AGPAT4: variants seen among roughly 807,000 people sequenced by gnomAD.
The protein encoded by AGPAT4 is 1-acylglycerol-3-phosphate O-acyltransferase 4.
A neutral mutation model predicts 48.0 loss-of-function variants in AGPAT4; 15 were observed. That is an observed-to-expected ratio of 0.31 (90% CI 0.21 to 0.48). The LOEUF (loss-of-function observed/expected upper bound fraction) is 0.48. Among genes scored for constraint, AGPAT4 ranks in the 20% least tolerant of loss-of-function variants. AGPAT4 has a pLI of 0.99. For missense variants in AGPAT4, 314 were observed against 482.5 expected (o/e 0.65, Z 3.27); for synonymous variants, 178 against 198.7 (o/e 0.90, Z 0.88).
rs886538041 is a variant in AGPAT4, at chr6:161,255,164, C to T, written c.-90+18774G>A. Among the ~76,000 whole-genome samples, 14 of 152,210 alleles carry T rather than the reference C, an allele frequency of 9.2e-5. No homozygotes were observed. Among genetic ancestry groups the T allele is most frequent in the African/African-American group, 3.4e-4 (14 of 41,460 alleles). On this transcript the variant is annotated intron_variant, in intron 1 of 8. Coordinates refer to ENST00000320285, the MANE Select transcript of AGPAT4 (RefSeq NM_020133.3). The surrounding 1 kb of genome is among the most constrained non-coding windows in gnomAD (Gnocchi z 4.7). The stretch of plus-strand genomic sequence containing the variant: ...TCTTTCCCTGTAATACCTCACACAT[C>T]CAGTTCTCCTTCATTAGCTCTATGA...
In AGPAT4 at chr6:161,219,950, A is replaced by G. The variant is rs11277411; in HGVS notation, c.178+12086T>C. 3.6e-3 allele frequency among the ~76,000 whole-genome samples: 326 copies of G among 91,660 alleles called. No homozygotes were observed. The highest frequency in any genetic ancestry group is 0.016 in the East Asian group (39 of 2,392). The allele number at this position is 91,660 out of a possible 152,430, so 60.1% of individuals were successfully genotyped here. Reference sequence around the variant, plus strand: ...GGCAGGCAGGCAGGCAGGCAGGCAGACAGACAGACAGACAGACAGGCAGGC... The same window carrying G: ...GGCAGGCAGGCAGGCAGGCAGGCAGGCAGACAGACAGACAGACAGGCAGGC... On this transcript the variant is annotated intron_variant, in intron 2 of 8. Transcript: ENST00000320285. The surrounding 1 kb of genome is among the most constrained non-coding windows in gnomAD (Gnocchi z 4.9).
At chr6:161,145,201 G>A (rs1265766452) in intron 7 of AGPAT4, among the ~76,000 whole-genome samples, 2 of 151,592 alleles carry the variant, frequency 1.3e-5, no homozygotes, top group African/African-American at 2.4e-5. Context: ...CTCCATCAAA[G>A]CCATCTGCAT....
chr6:161,256,190 T>G (rs1258728367), intron 1 of AGPAT4, among the ~76,000 whole-genome samples: 1 of 152,114 alleles, frequency 6.6e-6, no homozygotes, highest in Non-Finnish European at 1.5e-5. Context: ...AGACTGGTCC[T>G]TAAGTAGGAC....
At chr6:161,269,853 G>A (rs1167279726) in intron 1 of AGPAT4, among the ~76,000 whole-genome samples, 1 of 152,206 alleles carries the variant, frequency 6.6e-6, no homozygotes, top group Non-Finnish European at 1.5e-5. Flanking sequence ...TATCATGTAT[G>A]TGTGAATGGA....
At position 161,203,317 on chromosome 6, in the gene AGPAT4, C is replaced by T. The variant is rs141923252; in HGVS notation, c.178+28719G>A. ...ATGTAACCCATGCTCAACAAGTGTT[C>T]GTTAAATGAATAATGAATCAATAAA... On this transcript the variant is annotated intron_variant, in intron 2 of 8. Coordinates refer to ENST00000320285, the MANE Select transcript of AGPAT4 (RefSeq NM_020133.3). 6.3e-3 allele frequency among the ~76,000 whole-genome samples: 949 copies of T among 149,840 alleles called. 9 individuals carry two copies. The highest frequency in any genetic ancestry group is 0.022 in the African/African-American group (895 of 40,854).
At position 161,217,809 on chromosome 6, in the gene AGPAT4, G is replaced by A. The variant is rs1317993976; in HGVS notation, c.178+14227C>T. 6.6e-6 allele frequency among the ~76,000 whole-genome samples: 1 copy of A among 152,186 alleles called. No individual in the cohort carries two copies. Among genetic ancestry groups the A allele is most frequent in the Non-Finnish European group, 1.5e-5 (1 of 68,038 alleles). The stretch of plus-strand genomic sequence containing the variant: ...CCTGACCCCGCCTGCCCAGGCCACT[G>A]CCCTGGGACAGGACTCACAGGCAGC... On this transcript the variant is annotated intron_variant, in intron 2 of 8. Coordinates refer to ENST00000320285, the MANE Select transcript of AGPAT4 (RefSeq NM_020133.3). This position sits in a 1 kb window ranked among gnomAD's most constrained non-coding sequence, Gnocchi z 4.9.
At chr6:161,209,960 G>C (rs1269385245) in intron 2 of AGPAT4, among the ~76,000 whole-genome samples, 1 of 151,978 alleles carries the variant, frequency 6.6e-6, no homozygotes, top group Non-Finnish European at 1.5e-5. Context: ...TAAAATAGTT[G>C]CAACAGAGGT....
At chr6:161,181,302 G>A (rs961159580) in intron 2 of AGPAT4, among the ~76,000 whole-genome samples, 6 of 152,050 alleles carry the variant, frequency 3.9e-5, no homozygotes, top group Admixed American at 6.5e-5. Context: ...TGCTCCCATC[G>A]CCTGCAGGTT....
chr6:161,173,785 C>A (rs1305088904), intron 2 of AGPAT4, among the ~76,000 whole-genome samples: 1 of 152,164 alleles, frequency 6.6e-6, no homozygotes, highest in Non-Finnish European at 1.5e-5. Context: ...TTAGGTCTAA[C>A]ATTTAAGTCT....
In AGPAT4 at chr6:161,271,845, C is replaced by T. The variant is rs141400048; in HGVS notation, c.-90+2093G>A. On this transcript the variant is annotated intron_variant, in intron 1 of 8. Transcript: ENST00000320285. ...CTTTGATTTACATGCTGTCAATCTGCTTTGGAAGGTCATGTGGCAAATCTG... is the reference window on the plus strand; with the variant it reads ...CTTTGATTTACATGCTGTCAATCTGTTTTGGAAGGTCATGTGGCAAATCTG... Among the ~76,000 whole-genome samples the T allele has an allele frequency of 2.9e-3, 444 of 152,280 alleles. 3 individuals carry two copies. Among genetic ancestry groups the T allele is most frequent in the Non-Finnish European group, 4.7e-3 (318 of 68,022 alleles).
chr6:161,232,579 C>T lies in AGPAT4; in HGVS notation c.-89-277G>A, dbSNP rs544382931. Among the ~76,000 whole-genome samples the T allele has an allele frequency of 2.2e-4, 33 of 152,296 alleles. 1 individual carries two copies. The East Asian group carries it at 5.2e-3, about 24-fold the overall frequency. ...CTGAGTCCTGGAAGGTGGAGCCACTCGGCCAGGGTTCACCGCTCCCCAGCT... is the reference window on the plus strand; with the variant it reads ...CTGAGTCCTGGAAGGTGGAGCCACTTGGCCAGGGTTCACCGCTCCCCAGCT... On this transcript the variant is annotated intron_variant, in intron 1 of 8. Coordinates refer to ENST00000320285, the MANE Select transcript of AGPAT4 (RefSeq NM_020133.3). This position sits in a 1 kb window ranked among gnomAD's most constrained non-coding sequence, Gnocchi z 6.8.
chr6:161,172,666 T>C (rs1290515183), intron 2 of AGPAT4, among the ~76,000 whole-genome samples: 1 of 152,200 alleles, frequency 6.6e-6, no homozygotes, highest in Non-Finnish European at 1.5e-5. Flanking sequence ...TATTATACTT[T>C]AAGTTCAAGG....
rs946621758 is a variant in AGPAT4, at chr6:161,178,723, G to A, written c.179-12306C>T. ...TTCCGCATCACTCACACTGGGAGCT[G>A]TAGACTGGAGCTGTTCCTATTCGGC... is the stretch of plus-strand genomic sequence containing the variant. On this transcript the variant is annotated intron_variant, in intron 2 of 8. Coordinates refer to ENST00000320285, the MANE Select transcript of AGPAT4 (RefSeq NM_020133.3). This position sits in a 1 kb window ranked among gnomAD's most constrained non-coding sequence, Gnocchi z 5.1. 6.6e-6 allele frequency among the ~76,000 whole-genome samples: 1 copy of A among 152,212 alleles called. No homozygotes were observed. The highest frequency in any genetic ancestry group is 1.5e-5 in the Non-Finnish European group (1 of 68,036).
rs1781673668 is a variant in AGPAT4 at position 161,217,260 on chromosome 6, G to A, written c.178+14776C>T. Reference sequence around the variant, plus strand: ...ATGCTGAGCTGGAAAACCTAGCCTTGGGTCAGAACTGGGCTCCCATCAATG... The same window carrying A: ...ATGCTGAGCTGGAAAACCTAGCCTTAGGTCAGAACTGGGCTCCCATCAATG... On this transcript the variant is annotated intron_variant, in intron 2 of 8. Transcript: ENST00000320285. This position sits in a 1 kb window ranked among gnomAD's most constrained non-coding sequence, Gnocchi z 4.9. Among the ~76,000 whole-genome samples, 1 of 152,154 alleles carries A rather than the reference G, an allele frequency of 6.6e-6. No homozygotes were observed. The highest frequency in any genetic ancestry group is 1.5e-5 in the Non-Finnish European group (1 of 68,026).
Position 161,270,647 on chromosome 6 carries a change from T to C in AGPAT4, c.-90+3291A>G, listed in dbSNP as rs1007387240. On this transcript the variant is annotated intron_variant, in intron 1 of 8. Coordinates refer to ENST00000320285, the MANE Select transcript of AGPAT4 (RefSeq NM_020133.3). The surrounding 1 kb of genome is among the most constrained non-coding windows in gnomAD (Gnocchi z 5.3). ...TAAAAAATAAATTAGCTGGGCGTGGTGCCACATGCTTGTGATCCCAGCTAC... is the reference window on the plus strand; with the variant it reads ...TAAAAAATAAATTAGCTGGGCGTGGCGCCACATGCTTGTGATCCCAGCTAC... 1.3e-5 allele frequency among the ~76,000 whole-genome samples: 2 copies of C among 152,154 alleles called. No homozygotes were observed. The highest frequency in any genetic ancestry group is 4.8e-5 in the African/African-American group (2 of 41,430).
rs932868903 is a variant in AGPAT4 at position 161,221,664 on chromosome 6, T to C, written c.178+10372A>G. Among the ~76,000 whole-genome samples the C allele has an allele frequency of 2.6e-5, 4 of 152,106 alleles. No homozygotes were observed. The highest frequency in any genetic ancestry group is 9.7e-5 in the African/African-American group (4 of 41,422). ...AAGTAACAGAAATTGATTGTCTGAG[T>C]TCTGGATTCCAGGAACCTCAGATCG... On this transcript the variant is annotated intron_variant, in intron 2 of 8. Coordinates refer to ENST00000320285, the MANE Select transcript of AGPAT4 (RefSeq NM_020133.3). This position sits in a 1 kb window ranked among gnomAD's most constrained non-coding sequence, Gnocchi z 4.5.
rs1782761076 is a variant in AGPAT4 at position 161,249,909 on chromosome 6, C to A, written c.-89-17607G>T. On this transcript the variant is annotated intron_variant, in intron 1 of 8. Transcript: ENST00000320285. The surrounding 1 kb of genome is among the most constrained non-coding windows in gnomAD (Gnocchi z 6.2). ...AGCTATTCACAGCTATTCACTATTG[C>A]AGCTATTCACAATAGCAAAGACATG... Among the ~76,000 whole-genome samples, 1 of 152,166 alleles carries A rather than the reference C, an allele frequency of 6.6e-6. No individual in the cohort carries two copies. The highest frequency in any genetic ancestry group is 1.5e-5 in the Non-Finnish European group (1 of 68,028).
chr6:161,261,301 G>T lies in AGPAT4; in HGVS notation c.-90+12637C>A, dbSNP rs543448585. Among the ~76,000 whole-genome samples the T allele has an allele frequency of 1.5e-4, 23 of 152,230 alleles. No homozygotes were observed. The highest frequency in any genetic ancestry group is 1.2e-3 in the Admixed American group (18 of 15,266). ...ATGAGACAAACAACAGAAAAGACCC[G>T]GCACAGTCCTGGGCCACATGACGTT... On this transcript the variant is annotated intron_variant, in intron 1 of 8. Transcript: ENST00000320285. This position sits in a 1 kb window ranked among gnomAD's most constrained non-coding sequence, Gnocchi z 5.3.
At chr6:161,145,349 G>T (rs1013541150) in intron 7 of AGPAT4, among the ~76,000 whole-genome samples, 1 of 151,600 alleles carries the variant, frequency 6.6e-6, no homozygotes, top group Non-Finnish European at 1.5e-5. Context: ...CATACAATTT[G>T]TAATTTGTGT....
Sources: gnomAD v4.1 joint callset for allele counts (sites outside exome capture counted in the v4.1 genomes callset) on GRCh38, gnomAD v4.1.1 for gene constraint, Gnocchi (gnomAD v3.1) non-coding constraint, MANE v1.5 for transcripts, NCBI Gene and HGNC (gene_info 2026-07-23, HGNC 2026-07-21) for gene names.